The following GK5 variants were observed in gnomAD, a reference collection of about 807,000 sequenced individuals.
The protein encoded by GK5 is glycerol kinase 5.
Under a neutral mutation model 77.3 loss-of-function variants are expected in GK5, and 39 were observed. The ratio of observed to expected loss-of-function variants is 0.50; its 90% CI spans 0.39 to 0.66. GK5 has a LOEUF of 0.66. Ranked by LOEUF, GK5 falls within the 30% of genes least tolerant of loss-of-function variation. The probability of loss-of-function intolerance (pLI) is 0.00; values close to 1 mark genes in which losing one functional copy is unlikely to be tolerated. For missense variants in GK5, 487 were observed against 633.8 expected (o/e 0.77, Z 2.49); for synonymous variants, 211 against 208.0 (o/e 1.01, Z -0.13).
intron 5 of GK5, among the ~76,000 whole-genome samples, chr3:142,196,556 T>G (rs958848434): frequency 2.6e-5 from 4 of 152,168 alleles, no homozygotes; most frequent in Non-Finnish European, 5.9e-5. Context: ...TAATTTCTCT[T>G]ATGATTTCTC....
chr3:142,172,209 C>T (rs762944232), intron 13 of GK5, 144 bp downstream of exon 13: 5 of 438,588 alleles, frequency 1.1e-5, no homozygotes, highest in Non-Finnish European at 2.1e-5. Flanking sequence ...GCAAGAAGAA[C>T]ATATTACATA....
At chr3:142,213,469 G>A (rs1024345431) in intron 3 of GK5, 57 bp downstream of exon 3, 139 of 983,796 alleles carry the variant, frequency 1.4e-4, no homozygotes, top group Middle Eastern at 8.3e-4. Context: ...TTTCATAACC[G>A]TGTACTCACT....
chr3:142,157,682 T>C lies in GK5; in HGVS notation c.*7940A>G, dbSNP rs1363425622. The C allele has an allele frequency of 6.6e-6, 1 of 152,260 alleles. No homozygotes were observed. Among genetic ancestry groups the C allele is most frequent in the East Asian group, 1.9e-4 (1 of 5,206 alleles). 9.4% of individuals were successfully genotyped at this position (152,260 alleles called of 1,614,324 possible). A position where few individuals can be genotyped will look rare whatever the true frequency, so the allele number is the denominator to read the frequency against. The stretch of plus-strand genomic sequence containing the variant: ...GTATATGAAATTATCTTTTCTCCAG[T>C]TATTTATAATCTTTCTAAATATTTT... On this transcript the variant is annotated 3_prime_UTR_variant, in exon 16 of 16. Transcript: ENST00000392993.
At position 142,182,998 on chromosome 3, in the gene GK5, C is replaced by T; in HGVS notation, c.868G>A (p.Asp290Asn). The T allele has an allele frequency of 6.2e-7, 1 of 1,613,478 alleles. No individual in the cohort carries two copies. The highest frequency in any genetic ancestry group is 1.3e-5 in the African/African-American group (1 of 75,024). Residue 290 changes from aspartate (D) to asparagine (N), a missense_variant, in exon 10 of 16, where the codon GAT (aspartate) becomes AAT (asparagine). Asp to Asn is a conservative substitution (Grantham distance 23). Around this residue, in one of 4 missense-constraint regions of GK5, gnomAD observed 323 missense variants for 437.4 expected, o/e 0.74. Coordinates refer to ENST00000392993, the MANE Select transcript of GK5 (RefSeq NM_001039547.3). ...MFGECCFQTG[D>N]VKLTMGTGTF... is the part of the protein sequence containing the mutation. ...CCAGTTCCCATGGTTAATTTCACAT[C>T]ACCTGTCTGGAAGCAGCACTCTCCA...
At chr3:142,205,960 C>T (rs2064099992) in intron 3 of GK5, among the ~76,000 whole-genome samples, 1 of 152,186 alleles carries the variant, frequency 6.6e-6, no homozygotes, top group Non-Finnish European at 1.5e-5. Flanking sequence ...AGTGTCTATA[C>T]ATTTGCCTAT....
chr3:142,164,802 A>G lies in GK5; in HGVS notation c.*820T>C, dbSNP rs1327394558. On this transcript the variant is annotated 3_prime_UTR_variant, in exon 16 of 16. Coordinates refer to ENST00000392993, the MANE Select transcript of GK5 (RefSeq NM_001039547.3). The stretch of plus-strand genomic sequence containing the variant: ...TAAATAACAAAGAAAGATAAAGAAC[A>G]AGAGAAAGACAAGATTTATGTTAAC... 6.6e-6 allele frequency: 1 copy of G among 152,226 alleles called. No homozygotes were observed. Among genetic ancestry groups the G allele is most frequent in the East Asian group, 1.9e-4 (1 of 5,202 alleles). The allele number at this position is 152,226 out of a possible 1,614,324, so 9.4% of individuals were successfully genotyped here.
intron 3 of GK5, among the ~76,000 whole-genome samples, chr3:142,207,070 A>C (rs941585814): frequency 6.6e-6 from 1 of 152,228 alleles, no homozygotes; most frequent in Non-Finnish European, 1.5e-5. Flanking sequence ...AGAATGAGCC[A>C]ACAGCGGGTG....
chr3:142,199,857 A>T (rs9841672), intron 4 of GK5, among the ~76,000 whole-genome samples: 76,352 of 151,632 alleles, frequency 0.5, 22,226 homozygotes, highest in African/African-American at 0.81. Flanking sequence ...AAAACACTTA[A>T]GAAGTATTGC....
At chr3:142,215,794 T>C (rs918011563) in intron 1 of GK5, 102 bp from the exon 2 acceptor site, 3 of 592,388 alleles carry the variant, frequency 5.1e-6, no homozygotes, top group Non-Finnish European at 9.0e-6. Flanking sequence ...AACATGATTT[T>C]ATTATCTAAT....
intron 14 of GK5, 125 bp downstream of exon 14, chr3:142,171,294 T>G (rs1158076690): frequency 2.2e-6 from 2 of 895,776 alleles, no homozygotes; most frequent in East Asian, 6.9e-5. Flanking sequence ...AAATTATTTT[T>G]GAAATCCTCA....
intron 15 of GK5, among the ~76,000 whole-genome samples, chr3:142,168,872 C>A (rs1297022488): frequency 6.6e-6 from 1 of 152,120 alleles, no homozygotes; most frequent in Non-Finnish European, 1.5e-5. Context: ...CAGTACTTCC[C>A]ATCATTGATG....
intron 3 of GK5, among the ~76,000 whole-genome samples, chr3:142,212,400 T>C (rs910573599): frequency 2.0e-5 from 3 of 151,946 alleles, no homozygotes; most frequent in Admixed American, 6.6e-5. Flanking sequence ...GCCAGGCATA[T>C]TGGAGTGCAC....
rs2063418121 is a variant in GK5 at position 142,160,549 on chromosome 3, A to G, written c.*5073T>C. The G allele has an allele frequency of 6.6e-6, 1 of 152,216 alleles. No individual in the cohort carries two copies. Among genetic ancestry groups the G allele is most frequent in the South Asian group, 2.1e-4 (1 of 4,830 alleles). The allele number at this position is 152,216 out of a possible 1,614,324, so 9.4% of individuals were successfully genotyped here. A position where few individuals can be genotyped will look rare whatever the true frequency, so the allele number is the denominator to read the frequency against. ...TATGAAGTTCCTTCCCTATAGCACC[A>G]GAGTGTTTCGCACTCTTAAAATTCA... On this transcript the variant is annotated 3_prime_UTR_variant, in exon 16 of 16. Coordinates refer to ENST00000392993, the MANE Select transcript of GK5 (RefSeq NM_001039547.3).
chr3:142,186,301 AT>A, intron 7 of GK5, 34 bp from the exon 8 acceptor site: 1 of 1,315,704 alleles, frequency 7.6e-7, no homozygotes, highest in Non-Finnish European at 1.1e-6. Context: ...GAATATACAT[AT>A]TTACATATAT....
At chr3:142,186,755 C>T (rs558622806) in intron 6 of GK5, among the ~76,000 whole-genome samples, 92 of 151,894 alleles carry the variant, frequency 6.1e-4, no homozygotes, top group Non-Finnish European at 7.4e-4. Context: ...CTCAGCCTCC[C>T]GAGTAGCTGG....
intron 3 of GK5, among the ~76,000 whole-genome samples, chr3:142,208,434 A>G (rs1577143994): frequency 6.6e-6 from 1 of 152,280 alleles, no homozygotes; most frequent in East Asian, 1.9e-4. Context: ...TTTTAAATGT[A>G]GGTCTTTGAT....
At chr3:142,184,993 A>G in intron 9 of GK5, 1 of 985,524 alleles carries the variant, frequency 1.0e-6, no homozygotes. Context: ...TAACTTGGAA[A>G]TTAAATTCCC....
At chr3:142,181,339 G>T (rs866175286) in intron 11 of GK5, 122 bp downstream of exon 11, 1 of 531,908 alleles carries the variant, frequency 1.9e-6, no homozygotes, top group Middle Eastern at 2.7e-4. Context: ...TCTTTTAATA[G>T]ATGTCATTTT....
At chr3:142,175,407 T>C (rs2063595694) in intron 12 of GK5, among the ~76,000 whole-genome samples, 1 of 152,172 alleles carries the variant, frequency 6.6e-6, no homozygotes, top group Non-Finnish European at 1.5e-5. Context: ...AATGAGACTA[T>C]TAGGGGCCTT....
Sources: allele counts gnomAD v4.1 joint callset (sites outside exome capture counted in the v4.1 genomes callset), GRCh38; gene constraint gnomAD v4.1.1; regional missense constraint gnomAD v4.1.1; transcripts MANE v1.5; gene names NCBI Gene and HGNC (gene_info 2026-07-23, HGNC 2026-07-21).